EML6: variants seen among roughly 807,000 people sequenced by gnomAD.
EML6 encodes the protein echinoderm microtubule-associated protein-like 6.
In EML6, 154 loss-of-function variants were observed where a neutral mutation model predicts 240.1. The ratio of observed to expected loss-of-function variants is 0.64; its 90% CI spans 0.56 to 0.73. The LOEUF (loss-of-function observed/expected upper bound fraction) is 0.73. Ranked by LOEUF, EML6 falls within the 30% of genes least tolerant of loss-of-function variation. EML6 has a pLI of 0.00. For synonymous variants in EML6, 1,148 were observed against 899.0 expected, an observed-to-expected ratio of 1.28 and a Z score of -4.95; for missense variants, 2,964 against 2,474.6, an observed-to-expected ratio of 1.20 and a Z score of -4.20.
intron 35 of EML6, among the ~76,000 whole-genome samples, chr2:54,961,803 G>A (rs919785051): frequency 6.6e-6 from 1 of 151,672 alleles, no homozygotes; most frequent in Non-Finnish European, 1.5e-5. Context: ...TCAGGAGTTC[G>A]AGACCACCTG....
At position 54,892,551 on chromosome 2, in the gene EML6, C is replaced by G. The variant is rs755667964; in HGVS notation, c.2637C>G (p.Phe879Leu). ...ACGGACGAATGGAAGATCTAGTGTT[C>G]TCAGGAGCAGCTACTGGAGATATTT... is the stretch of plus-strand genomic sequence containing the variant. ...VSYGRMEDLV[F>L]SGAATGDIFI... The change falls in exon 19 of 42, where the codon TTC becomes TTG. Residue 879 changes from phenylalanine (F) to leucine (L), a missense_variant. Phe to Leu is a conservative substitution (Grantham distance 22, BLOSUM62 0). Transcript: ENST00000356458. 2 of 1,551,220 alleles carry G rather than the reference C, an allele frequency of 1.3e-6. No individual in the cohort carries two copies. The highest frequency in any genetic ancestry group is 2.4e-5 in the South Asian group (2 of 84,046).
rs74478680 is a variant in EML6 at position 54,934,391 on chromosome 2, C to T, written c.4004+5640C>T. ...TCAGGGCTTGGCTGCTCCACAGGCA[C>T]GCATAAGCTGTCACTTTGCTTGAGG... On this transcript the variant is annotated intron_variant, in intron 28 of 41. Coordinates refer to ENST00000356458, the MANE Select transcript of EML6 (RefSeq NM_001039753.4). Among the ~76,000 whole-genome samples the T allele has an allele frequency of 9.6e-3, 1,463 of 152,100 alleles. 20 individuals carry two copies. The highest frequency in any genetic ancestry group is 0.035 in the South Asian group (170 of 4,814).
At chr2:54,926,846 C>T (rs1029093830) in intron 26 of EML6, among the ~76,000 whole-genome samples, 2 of 152,170 alleles carry the variant, frequency 1.3e-5, no homozygotes, top group African/African-American at 4.8e-5. Context: ...GAGTCTGTTT[C>T]CTTGAACCTT....
At chr2:54,923,767 C>T (rs980277336) in intron 26 of EML6, among the ~76,000 whole-genome samples, 5 of 152,174 alleles carry the variant, frequency 3.3e-5, no homozygotes, top group Non-Finnish European at 7.3e-5. Context: ...CCCCAGGCTG[C>T]TTCCTCATAC....
At chr2:54,809,705 C>T (rs965204416) in intron 2 of EML6, among the ~76,000 whole-genome samples, 2 of 152,120 alleles carry the variant, frequency 1.3e-5, no homozygotes, top group Non-Finnish European at 2.9e-5. Flanking sequence ...TAAATAAATA[C>T]TTATTAAATA....
chr2:54,969,777 G>C (rs1462433990), intron 41 of EML6, among the ~76,000 whole-genome samples: 1 of 152,194 alleles, frequency 6.6e-6, no homozygotes, highest in South Asian at 2.1e-4. Context: ...CTTTTCAATA[G>C]TAACAGGAGA....
At chr2:54,962,417 C>T (rs1360881152) in intron 35 of EML6, 106 bp from the exon 36 acceptor site, 6 of 871,730 alleles carry the variant, frequency 6.9e-6, no homozygotes, top group Non-Finnish European at 1.0e-5. Flanking sequence ...CACCGGCAGT[C>T]ATCATTCTAC....
intron 38 of EML6, among the ~76,000 whole-genome samples, chr2:54,965,218 T>C (rs1676694767): frequency 6.6e-6 from 1 of 152,224 alleles, no homozygotes; most frequent in Non-Finnish European, 1.5e-5. Context: ...AGGGTTCCAC[T>C]GCTGGGACTG....
At chr2:54,948,803 C>G (rs1675819079) in intron 28 of EML6, 79 bp from the exon 29 acceptor site, 1 of 1,132,094 alleles carries the variant, frequency 8.8e-7, no homozygotes, top group Admixed American at 2.0e-5. Context: ...CCGGCACTGG[C>G]CTAGACAGGC....
chr2:54,813,246 C>G lies in EML6; in HGVS notation c.212C>G (p.Pro71Arg). The change falls in exon 3 of 42, where the codon CCA (proline) becomes CGA (arginine). Residue 71 changes from proline to arginine, a missense_variant. By Grantham distance (103) the Pro-to-Arg change is moderately radical (BLOSUM62 -2). Transcript: ENST00000356458. Reference sequence around the variant, plus strand: ...TTCTCTTTCAGCCTTGCCTTACACCCAGACAAAACTCTCGTTGCAACTGGC... The same window carrying G: ...TTCTCTTTCAGCCTTGCCTTACACCGAGACAAAACTCTCGTTGCAACTGGC... ...NDDIISLALH[P>R]DKTLVATGQV... The G allele has an allele frequency of 1.3e-6, 2 of 1,549,838 alleles. No individual in the cohort carries two copies. The highest frequency in any genetic ancestry group is 1.7e-6 in the Non-Finnish European group (2 of 1,146,032).
chr2:54,907,408 G>C (rs1198500554), intron 24 of EML6, among the ~76,000 whole-genome samples: 1 of 152,184 alleles, frequency 6.6e-6, no homozygotes, highest in Non-Finnish European at 1.5e-5. Flanking sequence ...TTGGGAGGCT[G>C]AGGCCAGGAG....
intron 2 of EML6, among the ~76,000 whole-genome samples, chr2:54,768,483 G>C (rs964831701): frequency 6.6e-6 from 1 of 152,120 alleles, no homozygotes; most frequent in African/African-American, 2.4e-5. Flanking sequence ...GCAACACAGT[G>C]ACAAGAACAC....
chr2:54,928,876 A>C, intron 28 of EML6, 125 bp downstream of exon 28: 2 of 1,129,630 alleles, frequency 1.8e-6, no homozygotes, highest in Non-Finnish European at 2.5e-6. Context: ...ATCTTCACAG[A>C]GTCTTCACCT....
At position 54,950,653 on chromosome 2, in the gene EML6, C is replaced by G. The variant is rs1416716731; in HGVS notation, c.4087C>G (p.Leu1363Val). The G allele has an allele frequency of 1.3e-6, 2 of 1,551,460 alleles. No homozygotes were observed. The highest frequency in any genetic ancestry group is 1.4e-5 in the African/African-American group (1 of 73,072). The change falls in exon 30 of 42, where the codon CTG becomes GTG. Residue 1363 changes from leucine to valine, a missense_variant. By Grantham distance (32) the Leu-to-Val change is conservative. Transcript: ENST00000356458. ...ITKKKKLVEE[L>V]ALDHVFGYRG... Reference sequence around the variant, plus strand: ...TGATCTGTGTGTGTGAATGCAGGAGCTGGCTCTAGACCACGTGTTTGGCTA... The same window carrying G: ...TGATCTGTGTGTGTGAATGCAGGAGGTGGCTCTAGACCACGTGTTTGGCTA...
chr2:54,761,457 A>G (rs1667979798), intron 2 of EML6, among the ~76,000 whole-genome samples: 1 of 152,180 alleles, frequency 6.6e-6, no homozygotes, highest in Non-Finnish European at 1.5e-5. Flanking sequence ...TTTTCAGAGC[A>G]GCTTACTAGT....
chr2:54,826,280 C>T (rs1174480535), intron 5 of EML6, among the ~76,000 whole-genome samples: 5 of 152,152 alleles, frequency 3.3e-5, no homozygotes, highest in Non-Finnish European at 7.3e-5. Context: ...GCAAATAGCC[C>T]TTATAACCTG....
intron 12 of EML6, among the ~76,000 whole-genome samples, chr2:54,861,490 G>A (rs1670668165): frequency 6.6e-6 from 1 of 152,206 alleles, no homozygotes; most frequent in Non-Finnish European, 1.5e-5. Flanking sequence ...AGCGGTAAAT[G>A]ACTGTGCTCA....
At chr2:54,856,487 C>T (rs1407673109) in intron 11 of EML6, among the ~76,000 whole-genome samples, 5 of 152,202 alleles carry the variant, frequency 3.3e-5, no homozygotes, top group Admixed American at 2.6e-4. Flanking sequence ...TGACACATGG[C>T]CTATGGACAG....
intron 12 of EML6, among the ~76,000 whole-genome samples, chr2:54,860,136 C>T (rs937783730): frequency 5.3e-5 from 8 of 152,192 alleles, no homozygotes; most frequent in South Asian, 2.1e-4. Flanking sequence ...CCCTACCCTG[C>T]GCACTGCTTC....
Sources: allele counts gnomAD v4.1 joint callset (sites outside exome capture counted in the v4.1 genomes callset), GRCh38; gene constraint gnomAD v4.1.1; transcripts MANE v1.5; gene names NCBI Gene and HGNC (gene_info 2026-07-23, HGNC 2026-07-21).